The following E2F6 variants were observed in gnomAD, a reference collection of about 807,000 sequenced individuals.
E2F6 encodes transcription factor E2F6.
In E2F6, 19 loss-of-function variants were observed where a neutral mutation model predicts 31.5. The observed-to-expected ratio is 0.60, with a 90% CI of 0.42 to 0.89. E2F6 has a LOEUF of 0.89. Ranked by LOEUF, E2F6 falls within the 40% of genes least tolerant of loss-of-function variation. The pLI, the probability that E2F6 is intolerant of heterozygous loss-of-function variation, is 0.00. For synonymous variants in E2F6, 121 were observed against 127.7 expected, an observed-to-expected ratio of 0.95 and a Z score of 0.36; for missense variants, 269 against 341.6, an observed-to-expected ratio of 0.79 and a Z score of 1.67.
intron 2 of E2F6, among the ~76,000 whole-genome samples, chr2:11,455,748 C>A (rs1671365064): frequency 1.3e-5 from 2 of 152,094 alleles, no homozygotes; most frequent in African/African-American, 4.8e-5. Context: ...GGTCTTCACA[C>A]CAAAGCAACT....
intron 1 of E2F6, among the ~76,000 whole-genome samples, chr2:11,461,117 C>T (rs1303357808): frequency 1.3e-5 from 2 of 152,090 alleles, no homozygotes; most frequent in African/African-American, 4.8e-5. Flanking sequence ...TCTCCACAGG[C>T]AATGCAGAAT....
chr2:11,464,747 G>A (rs1425734264), intron 1 of E2F6, among the ~76,000 whole-genome samples: 1 of 152,104 alleles, frequency 6.6e-6, no homozygotes, highest in Non-Finnish European at 1.5e-5. Flanking sequence ...CTCCAAGTCT[G>A]TTTTGGCAAC....
intron 1 of E2F6, chr2:11,458,339 C>T (rs1282427871): frequency 6.4e-7 from 1 of 1,551,712 alleles, no homozygotes; most frequent in Admixed American, 2.0e-5. Context: ...GCCAGATTTG[C>T]CTGAATAAAC....
At chr2:11,455,709 T>C (rs1281878949) in intron 2 of E2F6, among the ~76,000 whole-genome samples, 1 of 152,158 alleles carries the variant, frequency 6.6e-6, no homozygotes, top group Non-Finnish European at 1.5e-5. Context: ...ATGTGACAGT[T>C]GCTGAGGGGA....
chr2:11,450,969 C>T (rs1671025851), intron 4 of E2F6, among the ~76,000 whole-genome samples: 1 of 152,012 alleles, frequency 6.6e-6, no homozygotes, highest in South Asian at 2.1e-4. Flanking sequence ...ACAAGGCTCC[C>T]CCAGCCCCAC....
At chr2:11,451,867 G>T in intron 3 of E2F6, 61 bp from the exon 4 acceptor site, 5 of 1,504,962 alleles carry the variant, frequency 3.3e-6, no homozygotes, top group Non-Finnish European at 4.5e-6. Context: ...GTAATTTCAA[G>T]TTAGGTTATT....
chr2:11,460,463 C>T (rs1308254150), intron 1 of E2F6, among the ~76,000 whole-genome samples: 1 of 152,206 alleles, frequency 6.6e-6, no homozygotes, highest in Non-Finnish European at 1.5e-5. Flanking sequence ...AGGAGTTACA[C>T]TAGCAGCCTC....
At chr2:11,458,220 T>A (rs529256666) in intron 1 of E2F6, 4 of 1,536,328 alleles carry the variant, frequency 2.6e-6, no homozygotes, top group Admixed American at 2.0e-5. Flanking sequence ...AGTGAATTCA[T>A]AGGTACTCTA....
chr2:11,448,011 G>A (rs1474633711), intron 5 of E2F6, among the ~76,000 whole-genome samples: 3 of 152,110 alleles, frequency 2.0e-5, no homozygotes, highest in Non-Finnish European at 4.4e-5. Context: ...CTCAGGAGCT[G>A]ACCCTTCAAG....
At position 11,446,540 on chromosome 2, in the gene E2F6, G is replaced by A. The variant is rs767753132; in HGVS notation, c.800-17C>T. The A allele has an allele frequency of 7.4e-6, 12 of 1,611,882 alleles. No individual in the cohort carries two copies. The African/African-American group carries it at 1.6e-4, about 21-fold the overall frequency. On this transcript the variant is annotated splice_polypyrimidine_tract_variant and intron_variant, in intron 6 of 6. Transcript: ENST00000381525. ...GATTTTCTTCTGGAAAAGAACACGA[G>A]AGAGAAATACACCTAAGTGAATACA... is the stretch of plus-strand genomic sequence containing the variant.
intron 3 of E2F6, 141 bp from the exon 4 acceptor site, chr2:11,451,947 C>A: frequency 1.3e-6 from 1 of 752,722 alleles, no homozygotes; most frequent in Non-Finnish European, 2.2e-6. Context: ...TAACTTCTGC[C>A]GTCTTTGTTC....
intron 5 of E2F6, among the ~76,000 whole-genome samples, chr2:11,448,116 G>C (rs143775019): frequency 2.1e-3 from 316 of 152,248 alleles, no homozygotes; most frequent in African/African-American, 7.4e-3. Context: ...TGGATTTCCA[G>C]ACCAATGAAC....
intron 3 of E2F6, among the ~76,000 whole-genome samples, chr2:11,452,163 T>C (rs1374826908): frequency 6.6e-6 from 1 of 152,224 alleles, no homozygotes; most frequent in Non-Finnish European, 1.5e-5. Context: ...TGATAAGTTA[T>C]AATCGTACAG....
intron 2 of E2F6, chr2:11,455,548 A>T: frequency 2.1e-6 from 2 of 943,348 alleles, no homozygotes; most frequent in Non-Finnish European, 3.0e-6. Context: ...CAATTCTACA[A>T]CAAACTCAGG....
At chr2:11,465,275 T>C (rs1036083964) in intron 1 of E2F6, among the ~76,000 whole-genome samples, 2 of 151,934 alleles carry the variant, frequency 1.3e-5, no homozygotes, top group African/African-American at 4.8e-5. Context: ...CATCTGGTCC[T>C]GAACAAGAGA....
At chr2:11,464,933 G>A (rs913062637) in intron 1 of E2F6, among the ~76,000 whole-genome samples, 2 of 152,100 alleles carry the variant, frequency 1.3e-5, no homozygotes, top group Middle Eastern at 3.4e-3. Context: ...GAAAATACGG[G>A]GAGAGGTCGG....
At chr2:11,461,228 T>G (rs1671759299) in intron 1 of E2F6, among the ~76,000 whole-genome samples, 1 of 152,214 alleles carries the variant, frequency 6.6e-6, no homozygotes, top group African/African-American at 2.4e-5. Flanking sequence ...GGGCTCAATG[T>G]GTCCAGCCTC....
rs1012753066 is a variant in E2F6 at position 11,446,167 on chromosome 2, A to C, written c.*310T>G. On this transcript the variant is annotated 3_prime_UTR_variant, in exon 7 of 7. Coordinates refer to ENST00000381525, the MANE Select transcript of E2F6 (RefSeq NM_198256.4). Reference sequence around the variant, plus strand: ...AAGGGAAGGGTAGAGTCCACAAAGAACTGTCCATTTCAGCCTGACTGTCTG... The same window carrying C: ...AAGGGAAGGGTAGAGTCCACAAAGACCTGTCCATTTCAGCCTGACTGTCTG... 5.3e-6 allele frequency: 2 copies of C among 378,196 alleles called. No individual in the cohort carries two copies. Among genetic ancestry groups the C allele is most frequent in the Admixed American group, 8.9e-5 (2 of 22,598 alleles). The allele number at this position is 378,196 out of a possible 1,614,324, so 23.4% of individuals were successfully genotyped here. A position where few individuals can be genotyped will look rare whatever the true frequency, so the allele number is the denominator to read the frequency against.
chr2:11,455,214 G>T, intron 2 of E2F6: 1 of 736,078 alleles, frequency 1.4e-6, no homozygotes, highest in Non-Finnish European at 1.7e-6. Context: ...AAGTTCTTAT[G>T]GCTTGGTTTG....
Sources: allele counts gnomAD v4.1 joint callset (sites outside exome capture counted in the v4.1 genomes callset), GRCh38; gene constraint gnomAD v4.1.1; transcripts MANE v1.5; gene names NCBI Gene and HGNC (gene_info 2026-07-23, HGNC 2026-07-21).